The following RBM33 variants were observed in gnomAD, a reference collection of about 807,000 sequenced individuals.
RBM33 encodes the protein RNA-binding protein 33.
Under a neutral mutation model 132.6 loss-of-function variants are expected in RBM33, and 28 were observed. The observed-to-expected ratio is 0.21, with a 90% CI of 0.16 to 0.29. The LOEUF is 0.29. Among genes scored for constraint, RBM33 ranks in the 10% least tolerant of loss-of-function variants. The pLI is 1.00. For missense variants in RBM33, 1,291 were observed against 1,518.5 expected (o/e 0.85, Z 2.49); for synonymous variants, 634 against 593.0 (o/e 1.07, Z -1.01).
chr7:155,679,833 TTGAGTGCTATGTG>T (rs1489929733), intron 4 of RBM33, among the ~76,000 whole-genome samples: 1 of 152,218 alleles, frequency 6.6e-6, no homozygotes, highest in African/African-American at 2.4e-5. Flanking sequence ...TTTGTTAGGA[TTGAGTGCTATGTG>T]TGAACACAGA....
Position 155,745,715 on chromosome 7 carries a change from T to C in RBM33, c.2979+113T>C. On this transcript the variant is annotated intron_variant, in intron 14 of 17. Transcript: ENST00000401878. This position sits in a 1 kb window ranked among gnomAD's most constrained non-coding sequence, Gnocchi z 4.1. Reference sequence around the variant, plus strand: ...ATTAAAAGTTACCTCTGTTATAGTCTTGTAACCAATCTCTACCTACTTGAA... The same window carrying C: ...ATTAAAAGTTACCTCTGTTATAGTCCTGTAACCAATCTCTACCTACTTGAA... 1 of 1,041,700 alleles carries C rather than the reference T, an allele frequency of 9.6e-7. No homozygotes were observed. The highest frequency in any genetic ancestry group is 1.4e-6 in the Non-Finnish European group (1 of 730,258). The allele number at this position is 1,041,700 out of a possible 1,614,324, so 64.5% of individuals were successfully genotyped here.
chr7:155,697,993 G>C (rs952041992), intron 5 of RBM33, among the ~76,000 whole-genome samples: 1 of 152,186 alleles, frequency 6.6e-6, no homozygotes, highest in African/African-American at 2.4e-5. Context: ...TCTTAGGATA[G>C]TTTGATTTTT....
intron 6 of RBM33, among the ~76,000 whole-genome samples, chr7:155,705,484 G>A (rs1034737454): frequency 2.6e-5 from 4 of 152,082 alleles, no homozygotes; most frequent in African/African-American, 9.7e-5. Context: ...AAGGAGAGAG[G>A]GGTACCATAT....
chr7:155,673,694 A>G lies in RBM33; in HGVS notation c.171+779A>G, dbSNP rs187136830. 2.5e-3 allele frequency among the ~76,000 whole-genome samples: 315 copies of G among 126,874 alleles called. 29 individuals are homozygous for G. Among genetic ancestry groups the G allele is most frequent in the African/African-American group, 0.012 (299 of 24,318 alleles). 83.2% of individuals were successfully genotyped at this position (126,874 alleles called of 152,430 possible). On this transcript the variant is annotated intron_variant, in intron 3 of 17. Transcript: ENST00000401878. ...TACACACGTGTATATATATACACAC[A>G]TATATACATACACACGTGTATATAT...
At position 155,774,494 on chromosome 7, in the gene RBM33, A is replaced by T; in HGVS notation, c.3376-65A>T. The T allele has an allele frequency of 8.7e-7, 1 of 1,154,266 alleles. No individual in the cohort carries two copies. Among genetic ancestry groups the T allele is most frequent in the Non-Finnish European group, 1.3e-6 (1 of 774,322 alleles). 71.5% of individuals were successfully genotyped at this position (1,154,266 alleles called of 1,614,324 possible). A position where few individuals can be genotyped will look rare whatever the true frequency, so the allele number is the denominator to read the frequency against. The stretch of plus-strand genomic sequence containing the variant: ...GTGTTAAAACTAATAATGCTTAAAT[A>T]TATATATTCATATTTTTTATTGTCA... On this transcript the variant is annotated intron_variant, in intron 16 of 17. Transcript: ENST00000401878. The surrounding 1 kb of genome is among the most constrained non-coding windows in gnomAD (Gnocchi z 4.2).
At chr7:155,683,334 G>A (rs1399521111) in intron 5 of RBM33, among the ~76,000 whole-genome samples, 16 of 152,176 alleles carry the variant, frequency 1.1e-4, no homozygotes, top group Non-Finnish European at 4.4e-5. Flanking sequence ...TTCACCATTA[G>A]ACTAATGAAC....
At chr7:155,680,952 C>CCATG in intron 5 of RBM33, 44 bp downstream of exon 5, 1 of 1,505,764 alleles carries the variant, frequency 6.6e-7, no homozygotes, top group Non-Finnish European at 9.1e-7. Flanking sequence ...ACCTGGCTTC[C>CCATG]CATGCATAGG....
intron 15 of RBM33, 67 bp from the exon 16 acceptor site, chr7:155,766,400 A>T: frequency 1.3e-6 from 2 of 1,520,560 alleles, no homozygotes; most frequent in Non-Finnish European, 1.8e-6. Context: ...GTTCACTTTT[A>T]TATCTTAGTG....
chr7:155,773,666 A>G (rs1163086972), intron 16 of RBM33, among the ~76,000 whole-genome samples: 1 of 151,332 alleles, frequency 6.6e-6, no homozygotes, highest in Admixed American at 6.6e-5. Context: ...GTAATTGAGA[A>G]GAACCAGACT....
At chr7:155,686,532 G>C (rs1456252604) in intron 5 of RBM33, among the ~76,000 whole-genome samples, 2 of 151,194 alleles carry the variant, frequency 1.3e-5, no homozygotes, top group South Asian at 4.2e-4. Flanking sequence ...CATAACGTGC[G>C]GGTTTGTTAC....
chr7:155,710,160 A>G (rs1304870812), intron 7 of RBM33, among the ~76,000 whole-genome samples: 1 of 152,226 alleles, frequency 6.6e-6, no homozygotes, highest in Non-Finnish European at 1.5e-5. Context: ...GTAATTTGGC[A>G]TCATCTCAGG....
At chr7:155,665,605 C>T (rs1798780461) in intron 2 of RBM33, among the ~76,000 whole-genome samples, 1 of 152,194 alleles carries the variant, frequency 6.6e-6, no homozygotes. Flanking sequence ...TCTGGCTACA[C>T]TTTAACGTTT....
At chr7:155,702,701 C>T (rs920130879) in intron 6 of RBM33, among the ~76,000 whole-genome samples, 2 of 152,156 alleles carry the variant, frequency 1.3e-5, no homozygotes, top group African/African-American at 4.8e-5. Context: ...TAAGGGCAAC[C>T]CACAGCCACC....
In RBM33 at chr7:155,766,516, G is replaced by A; in HGVS notation, c.3236G>A (p.Gly1079Glu). The change falls in exon 16 of 18, where the codon GGG (glycine) becomes GAG (glutamate). Residue 1079 changes from glycine to glutamate, a missense_variant. Gly to Glu is a moderately conservative substitution (Grantham distance 98). Around this residue, in one of 7 missense-constraint regions of RBM33, gnomAD observed 841 missense variants for 912.0 expected, o/e 0.92. Transcript: ENST00000401878. Reference protein sequence around the residue: ...GRGVAGPMGRGRLMPNKQNLR... With the variant: ...GRGVAGPMGRERLMPNKQNLR... ...GGAGTGGCCGGTCCCATGGGCCGGG[G>A]GCGCCTGATGCCAAACAAGCAGAAC... The A allele has an allele frequency of 6.2e-7, 1 of 1,613,806 alleles. No homozygotes were observed. Among genetic ancestry groups the A allele is most frequent in the Non-Finnish European group, 8.5e-7 (1 of 1,179,862 alleles).
chr7:155,693,188 T>A (rs1387992495), intron 5 of RBM33, among the ~76,000 whole-genome samples: 1 of 152,192 alleles, frequency 6.6e-6, no homozygotes. Context: ...GATTTAAAAA[T>A]TTTTTTACTG....
intron 14 of RBM33, among the ~76,000 whole-genome samples, chr7:155,762,954 T>G (rs1802085374): frequency 6.6e-6 from 1 of 152,242 alleles, no homozygotes; most frequent in Admixed American, 6.5e-5. Context: ...TCAGCTGTTC[T>G]TTGGGAAAAA....
intron 3 of RBM33, among the ~76,000 whole-genome samples, chr7:155,674,886 C>G (rs1414091542): frequency 6.6e-6 from 1 of 152,082 alleles, no homozygotes; most frequent in East Asian, 1.9e-4. Context: ...AAAATAAATG[C>G]ATTGTACCTT....
At chr7:155,675,293 C>CAAAAAAAA (rs71881256) in intron 3 of RBM33, among the ~76,000 whole-genome samples, 1 of 128,864 alleles carries the variant, frequency 7.8e-6, no homozygotes, top group African/African-American at 3.1e-5. Context: ...GACTCCGTCT[C>CAAAAAAAA]AAAAAAAAAA....
At chr7:155,676,693 C>T (rs963825017) in intron 3 of RBM33, among the ~76,000 whole-genome samples, 7 of 152,178 alleles carry the variant, frequency 4.6e-5, no homozygotes, top group African/African-American at 1.7e-4. Flanking sequence ...TGAGCAGAAC[C>T]CCCTGGAGCC....
Sources: gnomAD v4.1 joint callset for allele counts (sites outside exome capture counted in the v4.1 genomes callset) on GRCh38, gnomAD v4.1.1 for gene constraint, gnomAD v4.1.1 regional missense constraint, Gnocchi (gnomAD v3.1) non-coding constraint, MANE v1.5 for transcripts, NCBI Gene and HGNC (gene_info 2026-07-23, HGNC 2026-07-21) for gene names.